SIRPG: variants seen among roughly 807,000 people sequenced by gnomAD.
SIRPG encodes signal regulatory protein gamma.
In SIRPG, 38 loss-of-function variants were observed where a neutral mutation model predicts 35.7. The observed-to-expected ratio is 1.06, with a 90% CI of 0.82 to 1.40. The LOEUF is 1.40. SIRPG is among the 40% of genes most tolerant of loss of function. The probability of loss-of-function intolerance (pLI) is 0.00; values close to 1 mark genes in which losing one functional copy is unlikely to be tolerated. For missense variants in SIRPG, 519 were observed against 483.0 expected, an observed-to-expected ratio of 1.07 and a Z score of -0.70; for synonymous variants, 215 against 190.4, an observed-to-expected ratio of 1.13 and a Z score of -1.06.
chr20:1,635,264 C>T lies in SIRPG; in HGVS notation c.1081+3G>A. 6.3e-7 allele frequency: 1 copy of T among 1,596,958 alleles called. No individual in the cohort carries two copies. On this transcript the variant is annotated splice_donor_region_variant and intron_variant, in intron 4 of 5. Coordinates refer to ENST00000303415, the MANE Select transcript of SIRPG (RefSeq NM_018556.4). ...AAAATTTAAAAATTTTGAGTAACCT[C>T]ACCAGGGGTAGCATCTGAGCTCTGG...
intron 2 of SIRPG, among the ~76,000 whole-genome samples, chr20:1,639,560 A>G (rs1162132686): frequency 1.3e-5 from 2 of 152,178 alleles, no homozygotes; most frequent in Admixed American, 6.5e-5. Context: ...ATTTTCTCCC[A>G]TTCTGTAGGT....
intron 1 of SIRPG, among the ~76,000 whole-genome samples, chr20:1,652,286 C>A (rs2091945034): frequency 1.3e-5 from 2 of 152,202 alleles, no homozygotes; most frequent in South Asian, 4.1e-4. Flanking sequence ...AAGCATTAAC[C>A]ACTGGTTGTC....
rs539815851 is a variant in SIRPG, at chr20:1,655,984, T to G, written c.73+1658A>C. Among the ~76,000 whole-genome samples the G allele has an allele frequency of 3.3e-5, 5 of 152,316 alleles. No homozygotes were observed. The South Asian group carries it at 8.3e-4, about 25-fold the overall frequency. ...ATATATATAAAAGTTTGGCTTATCA[T>G]GTTAGTATATAAGGTTGTTTTGTGC... On this transcript the variant is annotated intron_variant, in intron 1 of 5. Coordinates refer to ENST00000303415, the MANE Select transcript of SIRPG (RefSeq NM_018556.4).
intron 2 of SIRPG, 89 bp downstream of exon 2, chr20:1,648,963 A>G: frequency 1.6e-6 from 2 of 1,247,314 alleles, no homozygotes; most frequent in Non-Finnish European, 2.3e-6. Flanking sequence ...ACTGAAAATC[A>G]CACCTGATTG....
upstream of SIRPG, among the ~76,000 whole-genome samples, chr20:1,661,011 G>T (rs743081): frequency 6.6e-6 from 1 of 151,972 alleles, no homozygotes; most frequent in Non-Finnish European, 1.5e-5. Flanking sequence ...TTTGTGATGA[G>T]AATTAAATGA....
intron 2 of SIRPG, among the ~76,000 whole-genome samples, chr20:1,648,732 C>T (rs374638884): frequency 4.6e-5 from 7 of 152,310 alleles, no homozygotes; most frequent in South Asian, 2.1e-4. Flanking sequence ...GTTCTGGCCC[C>T]GTACCTGGGC....
chr20:1,634,269 T>TGG lies in SIRPG; in HGVS notation c.1081+997_1081+998insCC, dbSNP rs2091773959. ...TCGCCCAGGCTGGAGTGCAGTGGCA[T>TGG]GATCTCGGCTCACTGCAAGCTCCGC... is the stretch of plus-strand genomic sequence containing the variant. On this transcript the variant is annotated intron_variant, in intron 4 of 5. Transcript: ENST00000303415. Among the ~76,000 whole-genome samples, 7 of 147,342 alleles carry TGG rather than the reference T, an allele frequency of 4.8e-5. No homozygotes were observed. The East Asian group carries it at 1.4e-3, about 30-fold the overall frequency.
intron 2 of SIRPG, chr20:1,647,776 T>C (rs2091908471): frequency 6.6e-6 from 1 of 152,248 alleles, no homozygotes; most frequent in Non-Finnish European, 1.5e-5. Context: ...GGCTTATGTT[T>C]GGAAGAAGTT....
chr20:1,642,012 T>A (rs1387099564), intron 2 of SIRPG, among the ~76,000 whole-genome samples: 1 of 152,200 alleles, frequency 6.6e-6, no homozygotes, highest in African/African-American at 2.4e-5. Flanking sequence ...TTACTTCCAA[T>A]TATGTGGTTG....
the SIRPG span, among the ~76,000 whole-genome samples, chr20:1,673,018 A>C: frequency 6.6e-6 from 1 of 152,334 alleles, no homozygotes; most frequent in Admixed American, 6.5e-5. Flanking sequence ...GTTTCTTTCC[A>C]TAGAGAGGTC....
At chr20:1,678,458 T>C in the SIRPG span, among the ~76,000 whole-genome samples, 10 of 151,650 alleles carry the variant, frequency 6.6e-5, no homozygotes, top group African/African-American at 2.4e-4. Flanking sequence ...TTAAAGAGGT[T>C]CTCTAACAAG....
chr20:1,680,005 T>C, the SIRPG span, among the ~76,000 whole-genome samples: 2 of 152,220 alleles, frequency 1.3e-5, no homozygotes, highest in East Asian at 1.9e-4. Context: ...GACATTACAT[T>C]GATAACAACA....
At chr20:1,634,582 A>T (rs6043403) in intron 4 of SIRPG, among the ~76,000 whole-genome samples, 55,018 of 151,854 alleles carry the variant, frequency 0.36, 10,924 homozygotes, top group East Asian at 0.62. Flanking sequence ...GTCATAAATG[A>T]GGATGGAAAA....
chr20:1,678,727 C>T, the SIRPG span, among the ~76,000 whole-genome samples: 1 of 152,104 alleles, frequency 6.6e-6, no homozygotes, highest in African/African-American at 2.4e-5. Flanking sequence ...CTTAAGGTGC[C>T]AAGGAAACCC....
chr20:1,680,229 C>T, the SIRPG span, among the ~76,000 whole-genome samples: 1 of 152,302 alleles, frequency 6.6e-6, no homozygotes, highest in East Asian at 1.9e-4. Context: ...GTCTCTTCAC[C>T]ACTCATGTTG....
the SIRPG span, among the ~76,000 whole-genome samples, chr20:1,665,034 G>A: frequency 1.3e-5 from 2 of 152,090 alleles, no homozygotes; most frequent in African/African-American, 2.4e-5. Flanking sequence ...TCCCCAGCAG[G>A]CCCCTAAGGC....
chr20:1,676,471 C>G, the SIRPG span, among the ~76,000 whole-genome samples: 170 of 152,296 alleles, frequency 1.1e-3, no homozygotes, highest in African/African-American at 3.8e-3. Flanking sequence ...GAACAGCTCT[C>G]TATGTCCTGA....
chr20:1,637,742 G>T (rs911589556), intron 2 of SIRPG: 4 of 152,170 alleles, frequency 2.6e-5, no homozygotes, highest in Non-Finnish European at 5.9e-5. Flanking sequence ...GAAAGCCAAA[G>T]GTGGGTGATT....
At chr20:1,635,971 A>G (rs2091795989) in intron 3 of SIRPG, among the ~76,000 whole-genome samples, 1 of 152,160 alleles carries the variant, frequency 6.6e-6, no homozygotes, top group Non-Finnish European at 1.5e-5. Context: ...AGATAAATGA[A>G]ACTCTCTAGC....
Sources: gnomAD v4.1 joint callset for allele counts (sites outside exome capture counted in the v4.1 genomes callset) on GRCh38, gnomAD v4.1.1 for gene constraint, MANE v1.5 for transcripts, NCBI Gene and HGNC (gene_info 2026-07-23, HGNC 2026-07-21) for gene names.